ZMAT4: variants seen among roughly 807,000 people sequenced by gnomAD.
ZMAT4 encodes zinc finger matrin-type 4, also known as zinc finger matrin-type protein 4.
ZMAT4 carries 17 observed loss-of-function variants against 28.7 expected under a neutral mutation model. The ratio of observed to expected loss-of-function variants is 0.59; its 90% CI spans 0.41 to 0.89. The LOEUF (loss-of-function observed/expected upper bound fraction) is 0.89, where lower values mean the gene tolerates loss of function less well. ZMAT4 is among the 40% of genes least tolerant of loss of function. ZMAT4 has a pLI of 0.00. For synonymous variants in ZMAT4, 117 were observed against 109.2 expected (o/e 1.07, Z -0.44); for missense variants, 240 against 283.8 (o/e 0.85, Z 1.11).
chr8:40,567,234 C>T (rs1021103350), intron 6 of ZMAT4, among the ~76,000 whole-genome samples: 4 of 152,030 alleles, frequency 2.6e-5, no homozygotes, highest in Admixed American at 6.6e-5. Flanking sequence ...TTTGACTACT[C>T]GGCATGAAAT....
At chr8:40,693,738 C>A (rs771040187) in intron 4 of ZMAT4, among the ~76,000 whole-genome samples, 2 of 152,226 alleles carry the variant, frequency 1.3e-5, no homozygotes, top group East Asian at 1.9e-4. Flanking sequence ...GTTATTCCAG[C>A]GGCTCTGCCA....
intron 6 of ZMAT4, among the ~76,000 whole-genome samples, chr8:40,565,202 C>T (rs538463113): frequency 1.3e-5 from 2 of 152,206 alleles, no homozygotes; most frequent in South Asian, 4.1e-4. Context: ...AATATTCTAT[C>T]AGGTGTTACA....
At chr8:40,595,881 C>T (rs1347983812) in intron 5 of ZMAT4, among the ~76,000 whole-genome samples, 1 of 151,996 alleles carries the variant, frequency 6.6e-6, no homozygotes, top group Non-Finnish European at 1.5e-5. Context: ...GTCAGGAGTT[C>T]AAGACCAGCC....
intron 3 of ZMAT4, among the ~76,000 whole-genome samples, chr8:40,746,169 T>A (rs1161701388): frequency 6.6e-6 from 1 of 151,934 alleles, no homozygotes; most frequent in East Asian, 1.9e-4. Context: ...GAACTGCCAC[T>A]CCTGGTTAAC....
At chr8:40,865,557 T>C (rs1563253717) in intron 1 of ZMAT4, among the ~76,000 whole-genome samples, 1 of 152,182 alleles carries the variant, frequency 6.6e-6, no homozygotes, top group African/African-American at 2.4e-5. Context: ...TCAACATCCA[T>C]CTGCCATCTG....
chr8:40,801,913 G>T (rs1218452395), intron 2 of ZMAT4, among the ~76,000 whole-genome samples: 1 of 152,080 alleles, frequency 6.6e-6, no homozygotes, highest in African/African-American at 2.4e-5. Flanking sequence ...ATGCTAGACT[G>T]GTTCAACATT....
At chr8:40,765,791 G>T (rs1452438378) in intron 3 of ZMAT4, among the ~76,000 whole-genome samples, 1 of 152,126 alleles carries the variant, frequency 6.6e-6, no homozygotes, top group Non-Finnish European at 1.5e-5. Flanking sequence ...GCCACTTTAA[G>T]CTAATTGTCA....
intron 1 of ZMAT4, among the ~76,000 whole-genome samples, chr8:40,826,894 T>C (rs1816073408): frequency 6.6e-6 from 1 of 152,136 alleles, no homozygotes; most frequent in South Asian, 2.1e-4. Flanking sequence ...TGCATCCGAT[T>C]CCTTCACCCA....
intron 5 of ZMAT4, among the ~76,000 whole-genome samples, chr8:40,649,544 G>A (rs566548095): frequency 2.1e-4 from 32 of 152,180 alleles, no homozygotes; most frequent in Admixed American, 3.3e-4. Flanking sequence ...AGGATACCGA[G>A]GAATTGAACT....
intron 5 of ZMAT4, among the ~76,000 whole-genome samples, chr8:40,589,368 T>C (rs1253647447): frequency 1.3e-5 from 2 of 152,164 alleles, no homozygotes; most frequent in East Asian, 1.9e-4. Flanking sequence ...TCCTATGACA[T>C]GGACTAGAAG....
intron 1 of ZMAT4, among the ~76,000 whole-genome samples, chr8:40,871,302 C>A (rs574460733): frequency 1.3e-5 from 2 of 152,190 alleles, no homozygotes; most frequent in African/African-American, 4.8e-5. Flanking sequence ...GACTCCTTTC[C>A]ACTTTTCATT....
intron 2 of ZMAT4, chr8:40,786,786 G>A: frequency 8.0e-7 from 1 of 1,256,354 alleles, no homozygotes; most frequent in Non-Finnish European, 1.0e-6. Flanking sequence ...CTGGACCCTA[G>A]GATAGATGGG....
chr8:40,591,278 A>T (rs1230166344), intron 5 of ZMAT4, among the ~76,000 whole-genome samples: 1 of 152,176 alleles, frequency 6.6e-6, no homozygotes, highest in African/African-American at 2.4e-5. Context: ...TAGTACAGTG[A>T]CACTTGGTGT....
chr8:40,685,957 C>T (rs1344158647), intron 4 of ZMAT4, among the ~76,000 whole-genome samples: 1 of 152,130 alleles, frequency 6.6e-6, no homozygotes, highest in Non-Finnish European at 1.5e-5. Flanking sequence ...TTGCAGGTAC[C>T]TCCAATGGGC....
At chr8:40,766,156 G>A (rs1256949402) in intron 3 of ZMAT4, among the ~76,000 whole-genome samples, 1 of 152,172 alleles carries the variant, frequency 6.6e-6, no homozygotes, top group Non-Finnish European at 1.5e-5. Flanking sequence ...CACCTTCCCT[G>A]ACCAGAGCCC....
intron 5 of ZMAT4, among the ~76,000 whole-genome samples, chr8:40,644,690 G>A (rs1411586565): frequency 6.6e-6 from 1 of 152,152 alleles, no homozygotes; most frequent in Non-Finnish European, 1.5e-5. Context: ...TAAGGCTGGG[G>A]TGTGCATAAT....
At chr8:40,788,764 C>A (rs72641533) in intron 2 of ZMAT4, among the ~76,000 whole-genome samples, 1 of 142,552 alleles carries the variant, frequency 7.0e-6, no homozygotes, top group African/African-American at 2.5e-5. Context: ...AAGGACATTA[C>A]AAGGAAAAAA....
At chr8:40,608,607 C>T (rs1194713120) in intron 5 of ZMAT4, among the ~76,000 whole-genome samples, 9 of 152,150 alleles carry the variant, frequency 5.9e-5, no homozygotes, top group South Asian at 2.1e-4. Context: ...CAGGAAACTT[C>T]GTGTTCAGTC....
intron 6 of ZMAT4, among the ~76,000 whole-genome samples, chr8:40,570,205 A>G (rs1188598563): frequency 6.6e-5 from 10 of 152,208 alleles, no homozygotes; most frequent in Admixed American, 5.2e-4. Context: ...GATAGAAATC[A>G]GATAATGGTT....
Sources: allele counts gnomAD v4.1 joint callset (sites outside exome capture counted in the v4.1 genomes callset), GRCh38; gene constraint gnomAD v4.1.1; transcripts MANE v1.5; gene names NCBI Gene and HGNC (gene_info 2026-07-23, HGNC 2026-07-21).